PDGFRL: variants seen among roughly 807,000 people sequenced by gnomAD.
The protein encoded by PDGFRL is platelet-derived growth factor receptor-like protein.
In PDGFRL, 46 loss-of-function variants were observed where a neutral mutation model predicts 37.2. The observed-to-expected ratio is 1.24, with a 90% CI of 0.98 to 1.58. PDGFRL has a LOEUF of 1.58. PDGFRL is among the 40% of genes most tolerant of loss of function. PDGFRL has a pLI of 0.00. For missense variants in PDGFRL, 692 were observed against 467.6 expected (o/e 1.48, Z -4.43); for synonymous variants, 251 against 184.3 (o/e 1.36, Z -2.93).
chr8:17,631,664 C>T (rs1187445607), intron 4 of PDGFRL, among the ~76,000 whole-genome samples: 1 of 152,144 alleles, frequency 6.6e-6, no homozygotes, highest in Non-Finnish European at 1.5e-5. Context: ...CCTTGACTTC[C>T]ACCAAAACGG....
chr8:17,578,241 G>GA (rs1803630236), intron 1 of PDGFRL, among the ~76,000 whole-genome samples: 1 of 152,164 alleles, frequency 6.6e-6, no homozygotes, highest in Non-Finnish European at 1.5e-5. Flanking sequence ...AGATTTAGTG[G>GA]AAAAGTAGCT....
chr8:17,618,157 CAA>C (rs1031391119), intron 2 of PDGFRL, among the ~76,000 whole-genome samples: 21 of 152,124 alleles, frequency 1.4e-4, no homozygotes, highest in African/African-American at 4.3e-4. Context: ...CTCCTGGACT[CAA>C]GAGATCCTCC....
Position 17,589,622 on chromosome 8 carries a change from A to C in PDGFRL, c.210A>C (p.Gln70His), listed in dbSNP as rs778618993. 3.1e-6 allele frequency: 5 copies of C among 1,613,926 alleles called. No homozygotes were observed. In the East Asian group the frequency reaches 8.9e-5, roughly 29 times the overall value. The change falls in exon 2 of 6, where the codon CAA becomes CAC. Residue 70 changes from glutamine (Q) to histidine (H), a missense_variant. Physicochemically the swap from Gln to His is conservative, Grantham distance 24. Transcript: ENST00000251630. ...CAAAGACGCAGTCTATCATGATGCA[A>C]GTGCTGGATAAAGGTCGCTTCCAGA... ...SAPKTQSIMM[Q>H]VLDKGRFQKP...
chr8:17,587,701 C>T (rs933516521), intron 1 of PDGFRL, among the ~76,000 whole-genome samples: 2 of 150,044 alleles, frequency 1.3e-5, no homozygotes, highest in African/African-American at 4.9e-5. Context: ...GATCTCGGCT[C>T]ACTGTAACCT....
chr8:17,630,603 C>G (rs1236882657), intron 4 of PDGFRL, among the ~76,000 whole-genome samples: 1 of 152,194 alleles, frequency 6.6e-6, no homozygotes, highest in Non-Finnish European at 1.5e-5. Context: ...TGCAGCAGCT[C>G]TGAGTCGGAG....
rs933571539 is a variant in PDGFRL at position 17,583,552 on chromosome 8, G to A, written c.56-5916G>A. ...GTAATTTGCAGTATTTGAAAGACAT[G>A]AGTTTTGGGGGGCCAGAGGTGCAAT... On this transcript the variant is annotated intron_variant, in intron 1 of 5. Coordinates refer to ENST00000251630, the MANE Select transcript of PDGFRL (RefSeq NM_001372073.1). Among the ~76,000 whole-genome samples the A allele has an allele frequency of 1.1e-4, 16 of 152,118 alleles. 1 individual carries two copies. The highest frequency in any genetic ancestry group is 3.9e-4 in the African/African-American group (16 of 41,388).
At chr8:17,629,907 TCC>T (rs1213811151) in intron 4 of PDGFRL, among the ~76,000 whole-genome samples, 1 of 152,054 alleles carries the variant, frequency 6.6e-6, no homozygotes, top group East Asian at 1.9e-4. Context: ...CTTTCTGCCC[TCC>T]CCACCCATGA....
intron 2 of PDGFRL, among the ~76,000 whole-genome samples, chr8:17,595,386 C>G (rs1360658528): frequency 6.6e-6 from 1 of 152,190 alleles, no homozygotes. Context: ...GTGGCACATT[C>G]TCTGGAGGAC....
intron 3 of PDGFRL, among the ~76,000 whole-genome samples, chr8:17,623,479 A>G (rs1306199841): frequency 6.6e-6 from 1 of 152,236 alleles, no homozygotes; most frequent in African/African-American, 2.4e-5. Context: ...TTCAAGTTGC[A>G]GAAGGAAGAT....
chr8:17,634,598 G>A (rs1257550950), intron 5 of PDGFRL, among the ~76,000 whole-genome samples: 1 of 151,906 alleles, frequency 6.6e-6, no homozygotes, highest in African/African-American at 2.4e-5. Flanking sequence ...ACTGGATAAA[G>A]AAAACATAGT....
intron 1 of PDGFRL, among the ~76,000 whole-genome samples, chr8:17,578,370 G>T (rs1171658127): frequency 1.3e-5 from 2 of 152,104 alleles, no homozygotes; most frequent in Non-Finnish European, 2.9e-5. Flanking sequence ...AAAAAATACC[G>T]CATTGTAGTT....
chr8:17,588,511 T>A (rs1208692358), intron 1 of PDGFRL, among the ~76,000 whole-genome samples: 5 of 149,334 alleles, frequency 3.3e-5, no homozygotes, highest in Non-Finnish European at 5.9e-5. Context: ...GCCCCATCTT[T>A]AAAAAAAAAA....
intron 5 of PDGFRL, among the ~76,000 whole-genome samples, chr8:17,642,270 G>A (rs1272813115): frequency 2.0e-5 from 3 of 152,188 alleles, no homozygotes; most frequent in East Asian, 3.9e-4. Flanking sequence ...TGTGAAGAAC[G>A]GGGCCAGTGG....
At chr8:17,600,271 A>T (rs1264952822) in intron 2 of PDGFRL, among the ~76,000 whole-genome samples, 1 of 152,136 alleles carries the variant, frequency 6.6e-6, no homozygotes, top group African/African-American at 2.4e-5. Flanking sequence ...AGCTGAGTGA[A>T]GCATCGTGTC....
intron 5 of PDGFRL, 91 bp from the exon 6 acceptor site, chr8:17,642,522 T>TGAAAG: frequency 1.3e-6 from 1 of 768,600 alleles, no homozygotes. Flanking sequence ...CTTTGCTCTC[T>TGAAAG]GAAAGGAACG....
At chr8:17,635,144 A>G (rs1335470742) in intron 5 of PDGFRL, among the ~76,000 whole-genome samples, 2 of 151,874 alleles carry the variant, frequency 1.3e-5, no homozygotes, top group South Asian at 2.1e-4. Flanking sequence ...ATATTTTGTC[A>G]TTTTTGATTT....
At chr8:17,591,635 G>C (rs1803942505) in intron 2 of PDGFRL, among the ~76,000 whole-genome samples, 1 of 152,214 alleles carries the variant, frequency 6.6e-6, no homozygotes, top group Admixed American at 6.5e-5. Flanking sequence ...CTGCAGGCAG[G>C]CTGGGCACGG....
At chr8:17,583,045 CA>C (rs1198585882) in intron 1 of PDGFRL, among the ~76,000 whole-genome samples, 1 of 152,118 alleles carries the variant, frequency 6.6e-6, no homozygotes, top group Non-Finnish European at 1.5e-5. Flanking sequence ...GAGGTTGCTC[CA>C]GAGGGCACAA....
chr8:17,595,290 G>T lies in PDGFRL; in HGVS notation c.353+5525G>T, dbSNP rs2517155. Among the ~76,000 whole-genome samples, 4 of 151,846 alleles carry T rather than the reference G, an allele frequency of 2.6e-5. No homozygotes were observed. The East Asian group carries it at 7.8e-4, about 30-fold the overall frequency. On this transcript the variant is annotated intron_variant, in intron 2 of 5. Transcript: ENST00000251630. ...CCATCCCCTCAACCATTAGCCTGGC[G>T]TTCAAAGCCTTTCCAAGTTCCACTT...
Sources: gnomAD v4.1 joint callset for allele counts (sites outside exome capture counted in the v4.1 genomes callset) on GRCh38, gnomAD v4.1.1 for gene constraint, MANE v1.5 for transcripts, NCBI Gene and HGNC (gene_info 2026-07-23, HGNC 2026-07-21) for gene names.